The following RAD54L2 variants were observed in gnomAD, a reference collection of about 807,000 sequenced individuals.
RAD54L2 encodes the protein RAD54 like 2, also known as helicase ARIP4.
Under a neutral mutation model 138.4 loss-of-function variants are expected in RAD54L2, and 27 were observed. The observed-to-expected ratio is 0.20, with a 90% CI of 0.14 to 0.27. The LOEUF (loss-of-function observed/expected upper bound fraction) is 0.27, where lower values mean the gene tolerates loss of function less well. Ranked by LOEUF, RAD54L2 falls within the 10% of genes least tolerant of loss-of-function variation. The probability of loss-of-function intolerance (pLI) is 1.00; values close to 1 mark genes in which losing one functional copy is unlikely to be tolerated. For missense variants in RAD54L2, 1,396 were observed against 1,890.2 expected (o/e 0.74, Z 4.85); for synonymous variants, 644 against 723.2 (o/e 0.89, Z 1.76).
chr3:51,589,177 C>T lies in RAD54L2; in HGVS notation c.-54-1190C>T, dbSNP rs118059890. Among the ~76,000 whole-genome samples, 216 of 152,268 alleles carry T rather than the reference C, an allele frequency of 1.4e-3. 6 individuals carry two copies. In the East Asian group the frequency reaches 0.039, roughly 27 times the overall value. On this transcript the variant is annotated intron_variant, in intron 2 of 22. Transcript: ENST00000684192. ...TTGTAAGTTGAAAGTCTATTTAATA[C>T]ACCTAACCTACTGAACATCATAATT...
chr3:51,589,462 G>A (rs1699787329), intron 2 of RAD54L2, among the ~76,000 whole-genome samples: 1 of 152,086 alleles, frequency 6.6e-6, no homozygotes, highest in Non-Finnish European at 1.5e-5. Flanking sequence ...AAAATCATCT[G>A]GCAGCACAGA....
chr3:51,640,065 G>A (rs947255628), intron 14 of RAD54L2, 66 bp downstream of exon 14: 1 of 1,273,402 alleles, frequency 7.9e-7, no homozygotes, highest in Non-Finnish European at 1.1e-6. Flanking sequence ...CCACCACAGA[G>A]CAAGACCAAG....
At position 51,662,837 on chromosome 3, in the gene RAD54L2, A is replaced by G. The variant is rs1432881739; in HGVS notation, c.3821A>G (p.Lys1274Arg). 2 of 1,612,856 alleles carry G rather than the reference A, an allele frequency of 1.2e-6. No homozygotes were observed. The highest frequency in any genetic ancestry group is 4.5e-5 in the East Asian group (2 of 44,852). The part of the protein sequence containing the change: ...AQESSRRRSR[K>R]GHLPAPVQPY... ...GAGTCATCCCGCCGGCGGTCCAGGA[A>G]GGGTCATCTGCCAGCCCCCGTGCAG... is the stretch of plus-strand genomic sequence containing the variant. The change falls in exon 23 of 23, where the codon AAG (lysine) becomes AGG (arginine). Residue 1274 changes from lysine to arginine, a missense_variant. This residue lies in a region of RAD54L2 where 634 missense variants were observed against 711.2 expected (regional missense o/e 0.89). Transcript: ENST00000684192. This position sits in a 1 kb window ranked among gnomAD's most constrained non-coding sequence, Gnocchi z 4.6.
At chr3:51,565,725 G>A (rs1328744104) in intron 2 of RAD54L2, among the ~76,000 whole-genome samples, 2 of 151,918 alleles carry the variant, frequency 1.3e-5, no homozygotes, top group Non-Finnish European at 2.9e-5. Flanking sequence ...CGCCCGTCTC[G>A]GCCTGCCAAA....
rs544855074 is a variant in RAD54L2 at position 51,641,461 on chromosome 3, C to T, written c.2232-288C>T. ...CCTCCCAAATAGCTGGGATTACAGG[C>T]GTGTGCCACCACACCCAGCTAATTT... On this transcript the variant is annotated intron_variant, in intron 14 of 22. Transcript: ENST00000684192. Among the ~76,000 whole-genome samples the T allele has an allele frequency of 2.0e-5, 3 of 152,080 alleles. No individual in the cohort carries two copies. In the East Asian group the frequency reaches 5.8e-4, roughly 29 times the overall value.
intron 2 of RAD54L2, among the ~76,000 whole-genome samples, chr3:51,545,094 T>G (rs1217789452): frequency 6.6e-6 from 1 of 152,244 alleles, no homozygotes; most frequent in African/African-American, 2.4e-5. Context: ...AATACTGTAC[T>G]AATTCTGAAG....
At chr3:51,642,570 C>T (rs1335093947) in intron 15 of RAD54L2, among the ~76,000 whole-genome samples, 1 of 152,112 alleles carries the variant, frequency 6.6e-6, no homozygotes, top group African/African-American at 2.4e-5. Flanking sequence ...TTATAAGGGG[C>T]TGTCCTGTAT....
intron 15 of RAD54L2, among the ~76,000 whole-genome samples, chr3:51,642,441 C>A (rs1577453314): frequency 6.8e-6 from 1 of 147,256 alleles, no homozygotes; most frequent in Non-Finnish European, 1.5e-5. Context: ...TATTAAATTT[C>A]ATGAAGGACA....
At chr3:51,597,069 A>G (rs767872067) in intron 3 of RAD54L2, among the ~76,000 whole-genome samples, 3 of 151,092 alleles carry the variant, frequency 2.0e-5, no homozygotes, top group Admixed American at 6.6e-5. Context: ...GGAGGCTGAG[A>G]CAGGAGAGTT....
intron 3 of RAD54L2, among the ~76,000 whole-genome samples, chr3:51,624,886 C>A (rs1700643947): frequency 6.6e-6 from 1 of 152,160 alleles, no homozygotes; most frequent in Non-Finnish European, 1.5e-5. Context: ...TGGATACTCA[C>A]AATTCCCTGA....
intron 2 of RAD54L2, among the ~76,000 whole-genome samples, chr3:51,587,932 G>A (rs1360236007): frequency 4.6e-5 from 7 of 151,920 alleles, no homozygotes; most frequent in Admixed American, 4.6e-4. Flanking sequence ...TTTATGGCCG[G>A]GTGCGGTGGC....
At chr3:51,657,758 C>T (rs1056859140) in intron 21 of RAD54L2, 89 bp downstream of exon 21, 66 of 911,890 alleles carry the variant, frequency 7.2e-5, no homozygotes, top group Middle Eastern at 4.6e-4. Context: ...TTGAGCTAGA[C>T]GGGTCATAGG....
chr3:51,624,841 A>G (rs1303723745), intron 3 of RAD54L2, among the ~76,000 whole-genome samples: 3 of 152,200 alleles, frequency 2.0e-5, no homozygotes, highest in African/African-American at 7.2e-5. Context: ...GACAAGGAGG[A>G]GGCCATACCA....
At chr3:51,590,747 A>G (rs1374680823) in intron 3 of RAD54L2, among the ~76,000 whole-genome samples, 188 bp downstream of exon 3, 2 of 152,168 alleles carry the variant, frequency 1.3e-5, no homozygotes, top group South Asian at 2.1e-4. Context: ...TCCTCCACAT[A>G]AGCTTTGTTT....
intron 22 of RAD54L2, among the ~76,000 whole-genome samples, chr3:51,661,142 T>A (rs1577473400): frequency 6.6e-6 from 1 of 151,112 alleles, no homozygotes; most frequent in South Asian, 2.1e-4. Context: ...TTGCATTTTT[T>A]GTAGAGATGG....
intron 2 of RAD54L2, among the ~76,000 whole-genome samples, chr3:51,547,692 C>T (rs1429129344): frequency 2.0e-5 from 3 of 151,538 alleles, no homozygotes; most frequent in Non-Finnish European, 4.4e-5. Flanking sequence ...AGTCATCCTC[C>T]CTCCTCAGCC....
intron 3 of RAD54L2, among the ~76,000 whole-genome samples, chr3:51,608,656 C>G (rs1024123620): frequency 6.6e-5 from 10 of 152,238 alleles, no homozygotes; most frequent in Admixed American, 4.6e-4. Context: ...GAAACCCCGT[C>G]TCCACCAAAA....
rs543018798 is a variant in RAD54L2, at chr3:51,590,387, A to G, written c.-34A>G. On this transcript the variant is annotated 5_prime_UTR_variant, in exon 3 of 23. Coordinates refer to ENST00000684192, the MANE Select transcript of RAD54L2 (RefSeq NM_015106.4). ...CCTAGCACCCCTGCAGTGGACCATGAGTCGGTAATGCCCACTGAGGACCTC... is the reference window on the plus strand; with the variant it reads ...CCTAGCACCCCTGCAGTGGACCATGGGTCGGTAATGCCCACTGAGGACCTC... The G allele has an allele frequency of 1.2e-4, 177 of 1,492,226 alleles. 2 individuals carry two copies. The South Asian group carries it at 2.3e-3, about 19-fold the overall frequency. 92.4% of individuals were successfully genotyped at this position (1,492,226 alleles called of 1,614,324 possible).
intron 2 of RAD54L2, among the ~76,000 whole-genome samples, chr3:51,588,991 C>T (rs912130369): frequency 3.9e-5 from 6 of 152,108 alleles, no homozygotes; most frequent in East Asian, 1.9e-4. Context: ...TATAAACTAG[C>T]AGCTCCTCCT....
Sources: gnomAD v4.1 joint callset for allele counts (sites outside exome capture counted in the v4.1 genomes callset) on GRCh38, gnomAD v4.1.1 for gene constraint, gnomAD v4.1.1 regional missense constraint, Gnocchi (gnomAD v3.1) non-coding constraint, MANE v1.5 for transcripts, NCBI Gene and HGNC (gene_info 2026-07-23, HGNC 2026-07-21) for gene names.